The following LPP variants were observed in gnomAD, a reference collection of about 807,000 sequenced individuals.
LPP encodes LIM domain containing preferred translocation partner in lipoma.
In LPP, 38 loss-of-function variants were observed where a neutral mutation model predicts 60.4. That is an observed-to-expected ratio of 0.63 (90% confidence interval 0.49 to 0.83). LPP has a LOEUF of 0.83. Ranked by LOEUF, LPP falls within the 40% of genes least tolerant of loss-of-function variation. The pLI, the probability that LPP is intolerant of heterozygous loss-of-function variation, is 0.00. For synonymous variants in LPP, 328 were observed against 290.8 expected, an observed-to-expected ratio of 1.13 and a Z score of -1.30; for missense variants, 902 against 783.6, an observed-to-expected ratio of 1.15 and a Z score of -1.80.
At chr3:188,749,440 A>T (rs1482591971) in intron 8 of LPP, among the ~76,000 whole-genome samples, 1 of 152,224 alleles carries the variant, frequency 6.6e-6, no homozygotes, top group Non-Finnish European at 1.5e-5. Flanking sequence ...ATGACCCTTG[A>T]AATCCTCTTA....
intron 8 of LPP, chr3:188,709,041 T>C (rs890560354): frequency 2.6e-5 from 4 of 152,180 alleles, no homozygotes; most frequent in African/African-American, 9.7e-5. Context: ...TGATATCCAA[T>C]TTCCAGATTG....
In LPP at chr3:188,785,420, AT is replaced by A. The variant is rs1741273115; in HGVS notation, c.1410+25139del. Reference sequence around the variant, plus strand: ...ATATTCCATCATATATATATATTCCATCATATATATATTCCATCATATATAT... The same window carrying A: ...ATATTCCATCATATATATATATTCCACATATATATATTCCATCATATATAT... On this transcript the variant is annotated intron_variant, in intron 9 of 11. Transcript: ENST00000617246. 6.8e-4 allele frequency among the ~76,000 whole-genome samples: 9 copies of A among 13,318 alleles called. 2 individuals are homozygous for A. Among genetic ancestry groups the A allele is most frequent in the African/African-American group, 3.8e-3 (7 of 1,836 alleles). The allele number at this position is 13,318 out of a possible 152,430, so 8.7% of individuals were successfully genotyped here.
chr3:188,609,383 A>T lies in LPP; in HGVS notation c.652A>T (p.Arg218Trp), dbSNP rs750601343. The T allele has an allele frequency of 9.9e-6, 16 of 1,613,998 alleles. No individual in the cohort carries two copies. Among genetic ancestry groups the T allele is most frequent in the Non-Finnish European group, 1.2e-5 (14 of 1,180,024 alleles). ...CTACACCACGGCCTCCACTTCTTCA[A>T]GGCCTACCTTTAATGTGCAGGTGAA... The part of the protein sequence containing the change: ...ASYTTASTSS[R>W]PTFNVQVKSA... Residue 218 changes from arginine to tryptophan, a missense_variant, in exon 7 of 12, where the codon AGG becomes TGG. Arg to Trp is a moderately radical substitution (Grantham distance 101). Coordinates refer to ENST00000617246, the MANE Select transcript of LPP (RefSeq NM_001375462.1). The surrounding 1 kb of genome is among the most constrained non-coding windows in gnomAD (Gnocchi z 6.9).
chr3:188,465,194 G>A (rs1800076268), intron 4 of LPP, among the ~76,000 whole-genome samples: 1 of 152,058 alleles, frequency 6.6e-6, no homozygotes, highest in African/African-American at 2.4e-5. Context: ...TCCCCCTTTA[G>A]TAACAGATAG....
intron 7 of LPP, among the ~76,000 whole-genome samples, chr3:188,633,748 A>T (rs1015860212): frequency 6.6e-6 from 1 of 152,244 alleles, no homozygotes; most frequent in South Asian, 2.1e-4. Flanking sequence ...GTACATCTAT[A>T]TATCATCTAT....
chr3:188,169,398 G>C lies in LPP; in HGVS notation c.-190+15146G>C, dbSNP rs150449678. 2.6e-4 allele frequency among the ~76,000 whole-genome samples: 39 copies of C among 152,316 alleles called. No individual in the cohort carries two copies. In the East Asian group the frequency reaches 7.1e-3, roughly 28 times the overall value. ...ACACCTTGATTCAGACAAGGCCCCT[G>C]CTCTTAAAGAGGACACAGACCAGTG... On this transcript the variant is annotated intron_variant, in intron 1 of 11. Coordinates refer to ENST00000617246, the MANE Select transcript of LPP (RefSeq NM_001375462.1).
At chr3:188,461,953 C>A (rs1396055297) in intron 4 of LPP, among the ~76,000 whole-genome samples, 1 of 152,192 alleles carries the variant, frequency 6.6e-6, no homozygotes, top group East Asian at 1.9e-4. Context: ...ATTATTAGAT[C>A]AAATGGTACA....
rs139733178 is a variant in LPP, at chr3:188,310,385, T to C, written c.-66-31278T>C. ...GGAGAGACAGGCCAAGGATGCCCGGTTGATGAGTGCGCTATAGGTGCTTGG... is the reference window on the plus strand; with the variant it reads ...GGAGAGACAGGCCAAGGATGCCCGGCTGATGAGTGCGCTATAGGTGCTTGG... On this transcript the variant is annotated intron_variant, in intron 2 of 11. Coordinates refer to ENST00000617246, the MANE Select transcript of LPP (RefSeq NM_001375462.1). Among the ~76,000 whole-genome samples, 32 of 152,146 alleles carry C rather than the reference T, an allele frequency of 2.1e-4. 1 individual carries two copies. The East Asian group carries it at 6.0e-3, about 28-fold the overall frequency.
intron 2 of LPP, among the ~76,000 whole-genome samples, chr3:188,319,119 T>C (rs919405482): frequency 1.3e-5 from 2 of 152,192 alleles, no homozygotes; most frequent in African/African-American, 4.8e-5. Context: ...TCACAGATGC[T>C]TGAGATAAGG....
chr3:188,868,257 G>A (rs1440759593), intron 10 of LPP, among the ~76,000 whole-genome samples: 1 of 152,146 alleles, frequency 6.6e-6, no homozygotes, highest in Non-Finnish European at 1.5e-5. Context: ...TGTTTCTGTG[G>A]CTAGAAAAGA....
intron 6 of LPP, among the ~76,000 whole-genome samples, chr3:188,543,473 T>C (rs527429672): frequency 1.3e-5 from 2 of 152,346 alleles, no homozygotes; most frequent in Middle Eastern, 3.4e-3. Flanking sequence ...TCTGCACTTG[T>C]ATCTGAAGGT....
At chr3:188,444,888 CCT>C (rs1163387426) in intron 4 of LPP, among the ~76,000 whole-genome samples, 3 of 152,090 alleles carry the variant, frequency 2.0e-5, no homozygotes, top group Non-Finnish European at 4.4e-5. Flanking sequence ...GGAAAAAAAA[CCT>C]CACTATCACT....
rs762972367 is a variant in LPP, at chr3:188,872,780, T to A, written c.1710+17T>A. The A allele has an allele frequency of 6.2e-7, 1 of 1,613,092 alleles. No individual in the cohort carries two copies. Among genetic ancestry groups the A allele is most frequent in the South Asian group, 1.1e-5 (1 of 91,050 alleles). ...CGATGCGAGGTCTGGTTGACAGCCC[T>A]GCCCTGCCAGTCTGTGGCAGGCGTT... On this transcript the variant is annotated intron_variant, in intron 11 of 11. Coordinates refer to ENST00000617246, the MANE Select transcript of LPP (RefSeq NM_001375462.1).
At chr3:188,753,883 C>T (rs1729114291) in intron 8 of LPP, among the ~76,000 whole-genome samples, 1 of 152,158 alleles carries the variant, frequency 6.6e-6, no homozygotes, top group African/African-American at 2.4e-5. Flanking sequence ...AACCTTCAAG[C>T]CTCTCTATAG....
At chr3:188,492,416 C>T (rs918127892) in intron 5 of LPP, among the ~76,000 whole-genome samples, 2 of 152,058 alleles carry the variant, frequency 1.3e-5, no homozygotes, top group South Asian at 2.1e-4. Flanking sequence ...TAATGTCAGC[C>T]GGGTGTGGTG....
intron 3 of LPP, among the ~76,000 whole-genome samples, chr3:188,368,787 G>T (rs1260783426): frequency 6.7e-6 from 1 of 150,062 alleles, no homozygotes; most frequent in South Asian, 2.1e-4. Context: ...TTATGCTCAA[G>T]GTGAGAAGAC....
chr3:188,671,239 C>A (rs1047059110), intron 7 of LPP, among the ~76,000 whole-genome samples: 3 of 152,154 alleles, frequency 2.0e-5, no homozygotes, highest in Admixed American at 2.0e-4. Flanking sequence ...TTTGTCCTAT[C>A]CCCATAGGAC....
chr3:188,517,467 C>T (rs559600934), intron 5 of LPP, among the ~76,000 whole-genome samples: 1 of 152,156 alleles, frequency 6.6e-6, no homozygotes, highest in East Asian at 1.9e-4. Context: ...AAATTTAATC[C>T]CCAATATTTA....
chr3:188,408,291 G>T (rs774445531), intron 4 of LPP, among the ~76,000 whole-genome samples: 5 of 152,098 alleles, frequency 3.3e-5, no homozygotes, highest in Non-Finnish European at 7.3e-5. Flanking sequence ...TATGGTGAGG[G>T]CAGGTCCTAT....
Sources: allele counts gnomAD v4.1 joint callset (sites outside exome capture counted in the v4.1 genomes callset), GRCh38; gene constraint gnomAD v4.1.1; non-coding constraint Gnocchi (gnomAD v3.1); transcripts MANE v1.5; gene names NCBI Gene and HGNC (gene_info 2026-07-23, HGNC 2026-07-21).